Variants in PANK1 observed in about 807,000 individuals in gnomAD.
PANK1 encodes the protein pantothenate kinase 1.
In PANK1, 18 loss-of-function variants were observed where a neutral mutation model predicts 40.1. That is an observed-to-expected ratio of 0.45 (90% confidence interval 0.31 to 0.67). The LOEUF is 0.67. Ranked by LOEUF, PANK1 falls within the 30% of genes least tolerant of loss-of-function variation. The pLI, the probability that PANK1 is intolerant of heterozygous loss-of-function variation, is 0.06. For synonymous variants in PANK1, 242 were observed against 237.7 expected (o/e 1.02, Z -0.17); for missense variants, 457 against 599.6 (o/e 0.76, Z 2.48).
intron 2 of PANK1, among the ~76,000 whole-genome samples, chr10:89,606,296 G>A (rs1403203833): frequency 6.6e-6 from 1 of 152,202 alleles, no homozygotes; most frequent in Non-Finnish European, 1.5e-5. Context: ...TCTGTACTAT[G>A]AAAGTCTTAG....
intron 1 of PANK1, among the ~76,000 whole-genome samples, chr10:89,630,348 C>A (rs573682633): frequency 1.2e-4 from 18 of 152,258 alleles, no homozygotes; most frequent in African/African-American, 4.3e-4. Context: ...ATGTGTCAGG[C>A]GCTGTGCTAG....
At position 89,644,895 on chromosome 10, in the gene PANK1, G is replaced by A; in HGVS notation, c.-4C>T. ...GCTGCCCGCTGCGGTCGCCCATGCC[G>A]GGGGCTGGCGGGGCTGTGCGCGGGC... On this transcript the variant is annotated 5_prime_UTR_variant, in exon 1 of 7. Coordinates refer to ENST00000307534, the MANE Select transcript of PANK1 (RefSeq NM_148977.3). The A allele has an allele frequency of 6.6e-7, 1 of 1,515,702 alleles. No individual in the cohort carries two copies. The highest frequency in any genetic ancestry group is 1.2e-5 in the South Asian group (1 of 80,578). The allele number at this position is 1,515,702 out of a possible 1,614,324, so 93.9% of individuals were successfully genotyped here.
At chr10:89,632,806 G>C (rs1272430248) in intron 1 of PANK1, among the ~76,000 whole-genome samples, 1 of 152,230 alleles carries the variant, frequency 6.6e-6, no homozygotes, top group East Asian at 1.9e-4. Flanking sequence ...GGAAAATAAC[G>C]ATGTGATTCC....
chr10:89,616,718 C>T (rs1158896458), intron 1 of PANK1, among the ~76,000 whole-genome samples: 1 of 152,014 alleles, frequency 6.6e-6, no homozygotes. Context: ...GTCAGGAGTT[C>T]GAGACCAGCC....
At chr10:89,630,534 C>A (rs1250640138) in intron 1 of PANK1, among the ~76,000 whole-genome samples, 3 of 151,354 alleles carry the variant, frequency 2.0e-5, no homozygotes, top group Non-Finnish European at 4.4e-5. Flanking sequence ...GCTCTGTCAC[C>A]CAGGCTGGAG....
intron 1 of PANK1, among the ~76,000 whole-genome samples, chr10:89,629,292 G>C (rs1841564982): frequency 6.6e-6 from 1 of 152,084 alleles, no homozygotes; most frequent in African/African-American, 2.4e-5. Context: ...TGAGGTTATA[G>C]GCATTGTAGT....
rs773651111 is a variant in PANK1 at position 89,593,993 on chromosome 10, A to C, written c.900-4T>G. 79 of 1,599,810 alleles carry C rather than the reference A, an allele frequency of 4.9e-5. No homozygotes were observed. The highest frequency in any genetic ancestry group is 6.6e-5 in the Non-Finnish European group (77 of 1,167,924). ...TAGGAATGTTCCACCTCCAAGACTG[A>C]AGGAATAATAAGGTTTATTTTTAAA... On this transcript the variant is annotated splice_region_variant and splice_polypyrimidine_tract_variant and intron_variant, in intron 3 of 6. Coordinates refer to ENST00000307534, the MANE Select transcript of PANK1 (RefSeq NM_148977.3).
chr10:89,613,524 G>A (rs181675918), intron 1 of PANK1, among the ~76,000 whole-genome samples: 1 of 152,234 alleles, frequency 6.6e-6, no homozygotes, highest in Admixed American at 6.5e-5. Flanking sequence ...TGTTATTTTG[G>A]TTATGACCCA....
chr10:89,599,471 A>C lies in PANK1; in HGVS notation c.680T>G (p.Leu227Arg), dbSNP rs372846706. The change falls in exon 3 of 7, where the codon CTG (leucine) becomes CGG (arginine). Residue 227 changes from leucine to arginine, a missense_variant. By Grantham distance (102) the Leu-to-Arg change is moderately radical. Around this residue, in one of 4 missense-constraint regions of PANK1, gnomAD observed 286 missense variants for 415.8 expected, o/e 0.69. Transcript: ENST00000307534. ...ADLQLHKLDE[L>R]DCLIQGLLYV... Reference sequence around the variant, plus strand: ...AAGCAGGCCCTGAATCAGACAGTCCAGTTCATCCAGTTTATGCAGCTGCAG... The same window carrying C: ...AAGCAGGCCCTGAATCAGACAGTCCCGTTCATCCAGTTTATGCAGCTGCAG... The C allele has an allele frequency of 6.2e-7, 1 of 1,613,810 alleles. No individual in the cohort carries two copies. Among genetic ancestry groups the C allele is most frequent in the African/African-American group, 1.3e-5 (1 of 74,932 alleles).
At chr10:89,638,685 C>T (rs993557130) in intron 1 of PANK1, among the ~76,000 whole-genome samples, 2 of 152,110 alleles carry the variant, frequency 1.3e-5, no homozygotes, top group African/African-American at 4.8e-5. Context: ...GGTGTAGACA[C>T]AATTCAACCA....
intron 1 of PANK1, among the ~76,000 whole-genome samples, chr10:89,622,345 T>A (rs1845511310): frequency 6.6e-6 from 1 of 152,192 alleles, no homozygotes; most frequent in Non-Finnish European, 1.5e-5. Flanking sequence ...GAATTTTAGT[T>A]ATAAGGTAAT....
rs2133044016 is a variant in PANK1 at position 89,645,204 on chromosome 10, C to A, written c.-313G>T. The stretch of plus-strand genomic sequence containing the variant: ...CGCCCGCCTTCCCCTGATCCCCAGG[C>A]CGCGCGACTTCAAACGCGGCTTCCT... On this transcript the variant is annotated 5_prime_UTR_variant, in exon 1 of 7. Transcript: ENST00000307534. 1.3e-6 allele frequency: 2 copies of A among 1,597,048 alleles called. No individual in the cohort carries two copies. The highest frequency in any genetic ancestry group is 1.7e-6 in the Non-Finnish European group (2 of 1,172,910).
At chr10:89,586,021 G>T (rs1844185897) in intron 6 of PANK1, among the ~76,000 whole-genome samples, 1 of 152,232 alleles carries the variant, frequency 6.6e-6, no homozygotes, top group African/African-American at 2.4e-5. Flanking sequence ...GGATTGTACA[G>T]GGTGATATAG....
chr10:89,633,163 G>A (rs763443664), intron 1 of PANK1, among the ~76,000 whole-genome samples: 4 of 152,072 alleles, frequency 2.6e-5, no homozygotes, highest in Non-Finnish European at 5.9e-5. Context: ...ATGATGGCCA[G>A]TTTCAAGTTA....
chr10:89,592,454 T>C (rs905034184), intron 5 of PANK1, among the ~76,000 whole-genome samples: 5 of 152,218 alleles, frequency 3.3e-5, no homozygotes, highest in South Asian at 2.1e-4. Flanking sequence ...CCTTCTTCTG[T>C]ATGTATGTCA....
At chr10:89,610,499 CACTT>C (rs1845120688) in intron 2 of PANK1, among the ~76,000 whole-genome samples, 1 of 152,042 alleles carries the variant, frequency 6.6e-6, no homozygotes, top group Admixed American at 6.6e-5. Context: ...TAATTAGTCT[CACTT>C]AGGATACTAT....
At position 89,588,769 on chromosome 10, in the gene PANK1, G is replaced by T. The variant is rs747492492; in HGVS notation, c.1209C>A (p.Asp403Glu). 4 of 1,580,924 alleles carry T rather than the reference G, an allele frequency of 2.5e-6. No individual in the cohort carries two copies. Among genetic ancestry groups the T allele is most frequent in the Non-Finnish European group, 3.4e-6 (4 of 1,167,420 alleles). Reference sequence around the variant, plus strand: ...GAAAATTTCCAACAAACACAACTCTGTCTATGTTCTGGAAAAAATATTAAA... The same window carrying T: ...GAAAATTTCCAACAAACACAACTCTTTCTATGTTCTGGAAAAAATATTAAA... Reference protein sequence around the residue: ...ARMCALNENIDRVVFVGNFLR... With the variant: ...ARMCALNENIERVVFVGNFLR... Residue 403 changes from aspartate to glutamate, a missense_variant, in exon 6 of 7, where the codon GAC (aspartate) becomes GAA (glutamate). Coordinates refer to ENST00000307534, the MANE Select transcript of PANK1 (RefSeq NM_148977.3).
At chr10:89,608,030 CTTT>C (rs33976210) in intron 2 of PANK1, among the ~76,000 whole-genome samples, 11,469 of 110,680 alleles carry the variant, frequency 0.1, 777 homozygotes, top group East Asian at 0.44. Context: ...TGATCCTAAA[CTTT>C]TTTTTTTTTT....
Position 89,583,186 on chromosome 10 carries a change from T to C in PANK1, c.*1220A>G, listed in dbSNP as rs1289804908. 3 of 152,172 alleles carry C rather than the reference T, an allele frequency of 2.0e-5. No homozygotes were observed. The highest frequency in any genetic ancestry group is 4.4e-5 in the Non-Finnish European group (3 of 68,010). 9.4% of individuals were successfully genotyped at this position (152,172 alleles called of 1,614,324 possible). On this transcript the variant is annotated 3_prime_UTR_variant, in exon 7 of 7. Transcript: ENST00000307534. ...CAATACACAAGATCATGGGATCTCA[T>C]GCATCCCAATATTTGTACATGACCC...
Sources: allele counts gnomAD v4.1 joint callset (sites outside exome capture counted in the v4.1 genomes callset), GRCh38; gene constraint gnomAD v4.1.1; regional missense constraint gnomAD v4.1.1; transcripts MANE v1.5; gene names NCBI Gene and HGNC (gene_info 2026-07-23, HGNC 2026-07-21).